Variants in CNKSR2 observed in about 807,000 individuals in gnomAD.
The protein encoded by CNKSR2 is CNK homolog protein 2.
Under a neutral mutation model 84.4 loss-of-function variants are expected in CNKSR2, and 14 were observed. The observed-to-expected ratio is 0.17, with a 90% CI of 0.11 to 0.26. The LOEUF (loss-of-function observed/expected upper bound fraction) is 0.26, where lower values mean the gene tolerates loss of function less well. Ranked by LOEUF, CNKSR2 falls within the 10% of genes least tolerant of loss-of-function variation. The probability of loss-of-function intolerance (pLI) is 1.00; values close to 1 mark genes in which losing one functional copy is unlikely to be tolerated. For missense variants in CNKSR2, 485 were observed against 771.2 expected, an observed-to-expected ratio of 0.63 and a Z score of 4.40; for synonymous variants, 275 against 277.9, an observed-to-expected ratio of 0.99 and a Z score of 0.10.
At chrX:21,640,515 G>A (rs939843120) in intron 20 of CNKSR2, among the ~76,000 whole-genome samples, 3 of 111,540 alleles carry the variant, frequency 2.7e-5, no homozygotes, top group Admixed American at 9.6e-5. Flanking sequence ...AATTAGTTCC[G>A]CTGATTTCTG....
At chrX:21,636,928 G>A (rs2092674883) in intron 20 of CNKSR2, among the ~76,000 whole-genome samples, 1 of 111,209 alleles carries the variant, frequency 9.0e-6, no homozygotes, top group African/African-American at 3.3e-5. Flanking sequence ...AGTATCATGT[G>A]TCAAAATTCC....
chrX:21,402,486 G>A (rs895864911), intron 1 of CNKSR2, among the ~76,000 whole-genome samples: 1 of 110,414 alleles, frequency 9.1e-6, no homozygotes, highest in Non-Finnish European at 1.9e-5. Flanking sequence ...AAATTTTAGT[G>A]GCAAATGAGC....
intron 6 of CNKSR2, 125 bp from the exon 7 acceptor site, chrX:21,497,662 A>G: frequency 2.1e-6 from 1 of 473,774 alleles, no homozygotes; most frequent in Non-Finnish European, 3.8e-6. Flanking sequence ...GTCTTCATGG[A>G]TTTATTTCTG....
intron 11 of CNKSR2, among the ~76,000 whole-genome samples, chrX:21,556,001 G>A (rs898825038): frequency 4.5e-5 from 5 of 110,762 alleles, no homozygotes; most frequent in African/African-American, 1.6e-4. Flanking sequence ...TTGGCAAACA[G>A]TTCTGTAAAG....
intron 5 of CNKSR2, among the ~76,000 whole-genome samples, chrX:21,484,540 A>G (rs1189650403): frequency 9.0e-6 from 1 of 110,903 alleles, no homozygotes; most frequent in East Asian, 2.8e-4. Context: ...TGCTTCCTTA[A>G]TTTATCTTGA....
chrX:21,413,291 A>G (rs778592361), intron 1 of CNKSR2, among the ~76,000 whole-genome samples: 162 of 111,119 alleles, frequency 1.5e-3, no homozygotes, highest in Non-Finnish European at 7.6e-4. Context: ...TAAAATGTGT[A>G]TACAACATTT....
At chrX:21,545,856 C>T (rs1022623638) in intron 11 of CNKSR2, among the ~76,000 whole-genome samples, 1 of 112,169 alleles carries the variant, frequency 8.9e-6, no homozygotes, top group African/African-American at 3.2e-5. Flanking sequence ...GGAAAACTAA[C>T]AAACAGAAAG....
At chrX:21,651,898 C>T (rs1429067285) in intron 21 of CNKSR2, among the ~76,000 whole-genome samples, 2 of 112,129 alleles carry the variant, frequency 1.8e-5, no homozygotes, top group African/African-American at 3.2e-5. Context: ...AGAAATAGAA[C>T]ACATGCAAAA....
At chrX:21,438,330 C>T (rs1167413535) in intron 3 of CNKSR2, among the ~76,000 whole-genome samples, 1 of 111,798 alleles carries the variant, frequency 8.9e-6, no homozygotes, top group Non-Finnish European at 1.9e-5. Flanking sequence ...GTATTATAAT[C>T]TTATGGGACC....
chrX:21,618,321 CAT>C (rs2147298529), intron 20 of CNKSR2, among the ~76,000 whole-genome samples: 1 of 111,540 alleles, frequency 9.0e-6, no homozygotes, highest in East Asian at 2.8e-4. Flanking sequence ...GTCTTAATAA[CAT>C]AATCTATTAC....
intron 21 of CNKSR2, among the ~76,000 whole-genome samples, 182 bp downstream of exon 21, chrX:21,649,209 T>A (rs368386260): frequency 4.0e-4 from 45 of 111,972 alleles, no homozygotes; most frequent in African/African-American, 1.4e-3. Flanking sequence ...GGAGATCATC[T>A]TAACTTTTCA....
At position 21,567,795 on chromosome X, in the gene CNKSR2, GGTGTGTGTGTGTGTGTGTGT is replaced by G. The variant is rs58020537; in HGVS notation, c.1608+4370_1608+4389del. 1.1e-4 allele frequency among the ~76,000 whole-genome samples: 10 copies of G among 90,135 alleles called. No homozygotes were observed. In the East Asian group the frequency reaches 1.5e-3, roughly 13 times the overall value. 78.3% of individuals were successfully genotyped at this position (90,135 alleles called of 115,157 possible). On this transcript the variant is annotated intron_variant, in intron 13 of 21. Transcript: ENST00000379510. The stretch of plus-strand genomic sequence containing the variant: ...ACAAGGCAGACAGAAGTTTTTGTGT[GGTGTGTGTGTGTGTGTGTGT>G]GTGTGTGTGTGTGTGTGTGTGTGTG...
intron 11 of CNKSR2, among the ~76,000 whole-genome samples, chrX:21,542,319 G>A (rs2091983729): frequency 1.8e-5 from 2 of 112,132 alleles, no homozygotes; most frequent in South Asian, 7.4e-4. Context: ...TGACCTTGGG[G>A]ATGTTACTCT....
intron 20 of CNKSR2, among the ~76,000 whole-genome samples, chrX:21,627,238 A>G (rs781218062): frequency 9.9e-5 from 11 of 111,080 alleles, no homozygotes; most frequent in Admixed American, 3.8e-4. Flanking sequence ...CACACCTGTA[A>G]TCCCAGCACT....
At position 21,424,458 on chromosome X, in the gene CNKSR2, A is replaced by G. The variant is rs189881101; in HGVS notation, c.65-2039A>G. On this transcript the variant is annotated intron_variant, in intron 1 of 21. Coordinates refer to ENST00000379510, the MANE Select transcript of CNKSR2 (RefSeq NM_014927.5). ...GATCCATTTTTGTTTTCATTCTTAG[A>G]TGCCCCTTTGTCTGGCCAACCCTCA... 2.7e-5 allele frequency: 3 copies of G among 111,184 alleles called. No individual in the cohort carries two copies. The Admixed American group carries it at 2.9e-4, about 11-fold the overall frequency. 9.2% of individuals were successfully genotyped at this position (111,184 alleles called of 1,213,427 possible).
rs1001923964 is a variant in CNKSR2, at chrX:21,482,314, A to C, written c.562-8145A>C. 3.6e-5 allele frequency among the ~76,000 whole-genome samples: 4 copies of C among 111,823 alleles called. No individual in the cohort carries two copies. The Admixed American group carries it at 3.8e-4, about 11-fold the overall frequency. ...AGAGGCAACAACATGTCATTGTGAA[A>C]AGAACATTTGACTAAGCATCAGCAC... is the stretch of plus-strand genomic sequence containing the variant. On this transcript the variant is annotated intron_variant, in intron 5 of 21. Transcript: ENST00000379510.
At chrX:21,493,764 C>T (rs1363083193) in intron 6 of CNKSR2, 2 of 111,126 alleles carry the variant, frequency 1.8e-5, no homozygotes, top group Non-Finnish European at 3.8e-5. Context: ...CTTATTTCTT[C>T]TCTTTCTTTT....
At chrX:21,615,112 G>C (rs980377118) in intron 20 of CNKSR2, among the ~76,000 whole-genome samples, 1 of 111,834 alleles carries the variant, frequency 8.9e-6, no homozygotes, top group Non-Finnish European at 1.9e-5. Flanking sequence ...GTGCAAAACT[G>C]CTTATCATTA....
intron 1 of CNKSR2, among the ~76,000 whole-genome samples, chrX:21,403,064 A>G (rs1601742075): frequency 9.0e-6 from 1 of 111,449 alleles, no homozygotes; most frequent in African/African-American, 3.3e-5. Flanking sequence ...CAAGTGGATT[A>G]GGTATCTAAG....
Sources: allele counts gnomAD v4.1 joint callset (sites outside exome capture counted in the v4.1 genomes callset), GRCh38; gene constraint gnomAD v4.1.1; transcripts MANE v1.5; gene names NCBI Gene and HGNC (gene_info 2026-07-23, HGNC 2026-07-21).